The following NUP188 variants were observed in gnomAD, a reference collection of about 807,000 sequenced individuals.
NUP188 encodes the protein nucleoporin NUP188.
A neutral mutation model predicts 223.0 loss-of-function variants in NUP188; 97 were observed. That is an observed-to-expected ratio of 0.43 (90% confidence interval 0.37 to 0.51). The LOEUF is 0.51. Ranked by LOEUF, NUP188 falls within the 20% of genes least tolerant of loss-of-function variation. The pLI is 0.00. For missense variants in NUP188, 1,947 were observed against 2,175.6 expected, an observed-to-expected ratio of 0.89 and a Z score of 2.09; for synonymous variants, 869 against 828.0, an observed-to-expected ratio of 1.05 and a Z score of -0.85.
At chr9:129,000,381 C>G (rs1033944592) in intron 34 of NUP188, among the ~76,000 whole-genome samples, 1 of 152,140 alleles carries the variant, frequency 6.6e-6, no homozygotes, top group African/African-American at 2.4e-5. Flanking sequence ...TGCAGTGGTG[C>G]GATCTTGGCT....
chr9:129,001,580 G>A lies in NUP188; in HGVS notation c.3895G>A (p.Asp1299Asn), dbSNP rs753389064. 1.9e-6 allele frequency: 3 copies of A among 1,614,072 alleles called. No homozygotes were observed. The highest frequency in any genetic ancestry group is 2.5e-6 in the Non-Finnish European group (3 of 1,180,036). ...CAAGGAGCTGTGTGAGGTAGACGAGGATGGTGACTCCTGGCTGCAGGTAAC... is the reference window on the plus strand; with the variant it reads ...CAAGGAGCTGTGTGAGGTAGACGAGAATGGTGACTCCTGGCTGCAGGTAAC... ...LAKELCEVDE[D>N]GDSWLQVTRR... is the part of the protein sequence containing the mutation. The change falls in exon 35 of 44, where the codon GAT becomes AAT. Residue 1299 changes from aspartate to asparagine, a missense_variant. Physicochemically the swap from Asp to Asn is conservative, Grantham distance 23. Coordinates refer to ENST00000372577, the MANE Select transcript of NUP188 (RefSeq NM_015354.3).
At position 128,958,998 on chromosome 9, in the gene NUP188, CTT is replaced by C. The variant is rs754081914; in HGVS notation, c.466-14_466-13del. The C allele has an allele frequency of 4.0e-5, 60 of 1,511,644 alleles. No homozygotes were observed. Among genetic ancestry groups the C allele is most frequent in the Non-Finnish European group, 4.5e-5 (50 of 1,114,766 alleles). The allele number at this position is 1,511,644 out of a possible 1,614,324, so 93.6% of individuals were successfully genotyped here. ...CCTTTTATTCTAGGTATAATTTACTCTTTTGATTTTTTAAAGGTTGAATATGC... is the reference window on the plus strand; with the variant it reads ...CCTTTTATTCTAGGTATAATTTACTCTTGATTTTTTAAAGGTTGAATATGC... On this transcript the variant is annotated splice_polypyrimidine_tract_variant and intron_variant, in intron 7 of 43. Transcript: ENST00000372577.
intron 25 of NUP188, among the ~76,000 whole-genome samples, chr9:128,992,129 C>T (rs1219560282): frequency 6.6e-6 from 1 of 151,900 alleles, no homozygotes; most frequent in Non-Finnish European, 1.5e-5. Flanking sequence ...GATTTCCTGA[C>T]CTCGTGATCT....
chr9:128,992,226 T>C (rs1025835083), intron 25 of NUP188, among the ~76,000 whole-genome samples: 3 of 151,806 alleles, frequency 2.0e-5, no homozygotes, highest in Non-Finnish European at 4.4e-5. Context: ...TTTGAGACAG[T>C]CCCACTCCAT....
At chr9:128,981,508 G>A (rs1842254051) in intron 15 of NUP188, 118 bp downstream of exon 15, 2 of 1,054,428 alleles carry the variant, frequency 1.9e-6, no homozygotes, top group Non-Finnish European at 2.7e-6. Flanking sequence ...AAATTCTTGG[G>A]CTCAAGTGAT....
At chr9:129,001,428 G>T in intron 34 of NUP188, 101 bp from the exon 35 acceptor site, 1 of 1,003,626 alleles carries the variant, frequency 1.0e-6, no homozygotes. Flanking sequence ...AGCAATGTGT[G>T]TAACCAAGCA....
At position 128,975,934 on chromosome 9, in the gene NUP188, T is replaced by A. The variant is rs547953854; in HGVS notation, c.1203+2685T>A. Among the ~76,000 whole-genome samples the A allele has an allele frequency of 2.0e-5, 3 of 152,288 alleles. No homozygotes were observed. In the East Asian group the frequency reaches 5.8e-4, roughly 29 times the overall value. ...GTCTCCTGGGTTCAAGTGATTTTCC[T>A]GCCTCATCCCCTTGAGTAGCTGGGA... On this transcript the variant is annotated intron_variant, in intron 12 of 43. Transcript: ENST00000372577.
chr9:129,006,774 G>T lies in NUP188; in HGVS notation c.*96G>T. 7.6e-7 allele frequency: 1 copy of T among 1,317,506 alleles called. No homozygotes were observed. The highest frequency in any genetic ancestry group is 1.5e-5 in the South Asian group (1 of 66,636). The allele number at this position is 1,317,506 out of a possible 1,614,324, so 81.6% of individuals were successfully genotyped here. Reference sequence around the variant, plus strand: ...TGGCTGCTAGGGCCTATACAATGGAGGGCACCTCCTGTCACCCCCCTCCCG... The same window carrying T: ...TGGCTGCTAGGGCCTATACAATGGATGGCACCTCCTGTCACCCCCCTCCCG... On this transcript the variant is annotated 3_prime_UTR_variant, in exon 44 of 44. Coordinates refer to ENST00000372577, the MANE Select transcript of NUP188 (RefSeq NM_015354.3).
At chr9:129,001,156 G>C (rs1050963113) in intron 34 of NUP188, among the ~76,000 whole-genome samples, 9 of 152,136 alleles carry the variant, frequency 5.9e-5, no homozygotes, top group African/African-American at 2.2e-4. Context: ...CAGTAGCAGA[G>C]CAGGAGGTGG....
At chr9:128,959,334 G>T (rs1457394978) in intron 8 of NUP188, among the ~76,000 whole-genome samples, 200 bp downstream of exon 8, 1 of 151,874 alleles carries the variant, frequency 6.6e-6, no homozygotes, top group Admixed American at 6.6e-5. Flanking sequence ...TAGAGACAGG[G>T]TTTCACCATG....
rs949091560 is a variant in NUP188, at chr9:129,003,363, A to C, written c.4343A>C (p.Glu1448Ala). ...GTGCAGAGTCTGGCCTGCCTGGAGG[A>C]GGCGGACCACACCGTGGGTTTTATT... Reference protein sequence around the residue: ...RTVQSLACLEEADHTVGFILQ... With the variant: ...RTVQSLACLEAADHTVGFILQ... The change falls in exon 38 of 44, where the codon GAG becomes GCG. Residue 1448 changes from glutamate to alanine, a missense_variant. Transcript: ENST00000372577. The C allele has an allele frequency of 9.9e-6, 16 of 1,613,056 alleles. No individual in the cohort carries two copies. Among genetic ancestry groups the C allele is most frequent in the African/African-American group, 5.3e-5 (4 of 74,882 alleles).
chr9:128,957,452 A>T (rs1170465563), intron 5 of NUP188, among the ~76,000 whole-genome samples: 1 of 152,008 alleles, frequency 6.6e-6, no homozygotes, highest in Non-Finnish European at 1.5e-5. Context: ...ATTAGAGGTG[A>T]TAAGGATTTG....
At position 128,982,988 on chromosome 9, in the gene NUP188, C is replaced by T. The variant is rs776436208; in HGVS notation, c.1756C>T (p.Leu586Phe). Reference sequence around the variant, plus strand: ...TACAGACCTGTCGATAGCAGACTGTCTCCTGCCCATCACATCTCGCATCTA... The same window carrying T: ...TACAGACCTGTCGATAGCAGACTGTTTCCTGCCCATCACATCTCGCATCTA... ...ISTDLSIADC[L>F]LPITSRIYML... Residue 586 changes from leucine (L) to phenylalanine (F), a missense_variant, in exon 17 of 44, where the codon CTC (leucine) becomes TTC (phenylalanine). By Grantham distance (22) the Leu-to-Phe change is conservative. Around this residue, in one of 3 missense-constraint regions of NUP188, gnomAD observed 817 missense variants for 865.8 expected, o/e 0.94. Coordinates refer to ENST00000372577, the MANE Select transcript of NUP188 (RefSeq NM_015354.3). 2 of 1,614,136 alleles carry T rather than the reference C, an allele frequency of 1.2e-6. No individual in the cohort carries two copies. The highest frequency in any genetic ancestry group is 3.3e-5 in the Admixed American group (2 of 60,012).
intron 30 of NUP188, among the ~76,000 whole-genome samples, chr9:128,996,517 T>G (rs549392074): frequency 2.5e-4 from 38 of 152,302 alleles, no homozygotes; most frequent in African/African-American, 7.9e-4. Flanking sequence ...AAGCACCTCC[T>G]ACATCTGTGA....
Position 128,982,974 on chromosome 9 carries a change from C to G in NUP188, c.1742C>G (p.Ser581Trp), listed in dbSNP as rs777752283. 2.5e-6 allele frequency: 4 copies of G among 1,613,950 alleles called. No homozygotes were observed. The highest frequency in any genetic ancestry group is 3.4e-6 in the Non-Finnish European group (4 of 1,179,990). ...CATAAGGTCATCAGTACAGACCTGT[C>G]GATAGCAGACTGTCTCCTGCCCATC... ...LVHKVISTDL[S>W]IADCLLPITS... Residue 581 changes from serine to tryptophan, a missense_variant, in exon 17 of 44, where the codon TCG becomes TGG. Transcript: ENST00000372577.
At chr9:128,969,363 G>A (rs982811538) in intron 9 of NUP188, 37 bp from the exon 10 acceptor site, 8 of 1,285,100 alleles carry the variant, frequency 6.2e-6, no homozygotes, top group African/African-American at 5.9e-5. Flanking sequence ...GTTTCAGAAC[G>A]GGATATATAA....
intron 1 of NUP188, chr9:128,948,021 CCT>C: frequency 2.8e-6 from 1 of 355,854 alleles, no homozygotes; most frequent in Non-Finnish European, 5.0e-6. Context: ...TTGCCTTCCT[CCT>C]CTCTCACCTC....
At chr9:128,947,973 C>G in intron 1 of NUP188, 4 of 395,316 alleles carry the variant, frequency 1.0e-5, no homozygotes, top group Non-Finnish European at 1.8e-5. Context: ...CACCCCTTCC[C>G]TCCGCGCTCG....
Position 128,970,848 on chromosome 9 carries a change from C to T in NUP188, c.1003C>T (p.Pro335Ser). 1.3e-5 allele frequency: 21 copies of T among 1,614,126 alleles called. No homozygotes were observed. The highest frequency in any genetic ancestry group is 1.8e-5 in the Non-Finnish European group (21 of 1,180,012). ...AWALLRHTLN[P>S]EETSSVVRKI... ...GGCTCTCCTCCGTCACACTCTGAAC[C>T]CAGAAGAGACAAGCAGTGTGGTCCG... The change falls in exon 11 of 44, where the codon CCA becomes TCA. Residue 335 changes from proline (P) to serine (S), a missense_variant. Pro to Ser is a moderately conservative substitution (Grantham distance 74). Around this residue, in one of 3 missense-constraint regions of NUP188, gnomAD observed 817 missense variants for 865.8 expected, o/e 0.94. Transcript: ENST00000372577.
Sources: gnomAD v4.1 joint callset for allele counts (sites outside exome capture counted in the v4.1 genomes callset) on GRCh38, gnomAD v4.1.1 for gene constraint, gnomAD v4.1.1 regional missense constraint, MANE v1.5 for transcripts, NCBI Gene and HGNC (gene_info 2026-07-23, HGNC 2026-07-21) for gene names.